Variants in PEAK1 observed in about 807,000 individuals in gnomAD.
The protein encoded by PEAK1 is inactive tyrosine-protein kinase PEAK1.
A neutral mutation model predicts 124.7 loss-of-function variants in PEAK1; 54 were observed. That is an observed-to-expected ratio of 0.43 (90% CI 0.35 to 0.54). The LOEUF is 0.54. Ranked by LOEUF, PEAK1 falls within the 20% of genes least tolerant of loss-of-function variation. The probability of loss-of-function intolerance (pLI) is 0.01; values close to 1 mark genes in which losing one functional copy is unlikely to be tolerated. For missense variants in PEAK1, 2,046 were observed against 2,134.5 expected (o/e 0.96, Z 0.82); for synonymous variants, 719 against 760.0 (o/e 0.95, Z 0.89).
chr15:77,137,110 G>T (rs1038819849), intron 8 of PEAK1, among the ~76,000 whole-genome samples: 5 of 152,252 alleles, frequency 3.3e-5, no homozygotes, highest in Admixed American at 1.3e-4. Flanking sequence ...CAGAGGTCAA[G>T]AACTGGGGTT....
intron 9 of PEAK1, among the ~76,000 whole-genome samples, chr15:77,123,852 G>T (rs2052138451): frequency 6.6e-6 from 1 of 152,170 alleles, no homozygotes; most frequent in Admixed American, 6.5e-5. Context: ...AGCCCACAGA[G>T]ACAGACAATG....
At chr15:77,412,536 G>C (rs1358470301) in intron 1 of PEAK1, among the ~76,000 whole-genome samples, 1 of 152,088 alleles carries the variant, frequency 6.6e-6, no homozygotes, top group Non-Finnish European at 1.5e-5. Context: ...TCCAGTTAGA[G>C]TCACAGACAA....
rs187566417 is a variant in PEAK1 at position 77,349,912 on chromosome 15, T to C, written c.-603+15251A>G. The C allele has an allele frequency of 5.1e-6, 5 of 984,652 alleles. No individual in the cohort carries two copies. In the Admixed American group the frequency reaches 2.5e-4, roughly 48 times the overall value. 61.0% of individuals were successfully genotyped at this position (984,652 alleles called of 1,614,324 possible). On this transcript the variant is annotated intron_variant, in intron 2 of 9. Coordinates refer to ENST00000682557, the MANE Select transcript of PEAK1 (RefSeq NM_001385026.1). Reference sequence around the variant, plus strand: ...AAAAAACAGACACATTTACAATACATGTTTCTGAGTGTCACGAAGAAAATA... The same window carrying C: ...AAAAAACAGACACATTTACAATACACGTTTCTGAGTGTCACGAAGAAAATA...
intron 2 of PEAK1, among the ~76,000 whole-genome samples, chr15:77,344,341 G>C (rs2066738110): frequency 6.6e-6 from 1 of 152,088 alleles, no homozygotes; most frequent in African/African-American, 2.4e-5. Context: ...TGATCCACCT[G>C]CCCTGGCCTC....
intron 2 of PEAK1, among the ~76,000 whole-genome samples, chr15:77,325,538 A>G (rs2065518265): frequency 6.6e-6 from 1 of 152,148 alleles, no homozygotes; most frequent in Non-Finnish European, 1.5e-5. Flanking sequence ...TAGAGAGGGT[A>G]AATTAGCAGT....
intron 2 of PEAK1, chr15:77,336,425 T>C: frequency 1.0e-6 from 1 of 985,404 alleles, no homozygotes; most frequent in Non-Finnish European, 1.2e-6. Context: ...AGTGAGGGGT[T>C]AATGGTAACC....
intron 2 of PEAK1, among the ~76,000 whole-genome samples, chr15:77,318,170 T>TACACAC (rs10635105): frequency 6.6e-6 from 1 of 151,002 alleles, no homozygotes; most frequent in Non-Finnish European, 1.5e-5. Context: ...CATGCATGCA[T>TACACAC]ACACACACAC....
At chr15:77,392,938 G>A (rs193273449) in intron 1 of PEAK1, among the ~76,000 whole-genome samples, 3 of 152,332 alleles carry the variant, frequency 2.0e-5, no homozygotes, top group Admixed American at 2.0e-4. Context: ...TGTGTGGCAT[G>A]GAGAGGGAAG....
chr15:77,304,613 A>C lies in PEAK1; in HGVS notation c.-602-18109T>G, dbSNP rs956892347. On this transcript the variant is annotated intron_variant, in intron 2 of 9. Transcript: ENST00000682557. ...CAGGTGCCCGCCACCACGTCCGGCCAATTTTTTTGTATTTTTAGTAGAGAT... is the reference window on the plus strand; with the variant it reads ...CAGGTGCCCGCCACCACGTCCGGCCCATTTTTTTGTATTTTTAGTAGAGAT... 3.3e-5 allele frequency among the ~76,000 whole-genome samples: 5 copies of C among 151,688 alleles called. No individual in the cohort carries two copies. In the South Asian group the frequency reaches 1.1e-3, roughly 32 times the overall value.
chr15:77,350,538 G>A (rs1019189623), intron 2 of PEAK1: 3 of 979,724 alleles, frequency 3.1e-6, no homozygotes, highest in Non-Finnish European at 3.6e-6. Context: ...TAATACAATT[G>A]TGAGTCTCCT....
chr15:77,105,298 G>C (rs2050736231), downstream of PEAK1: 2 of 152,844 alleles, frequency 1.3e-5, no homozygotes, highest in African/African-American at 4.8e-5. Context: ...GCTCCCAGAG[G>C]GCAAGGGAGC....
Position 77,179,463 on chromosome 15 carries a change from T to G in PEAK1, c.2464A>C (p.Thr822Pro), listed in dbSNP as rs78195483. 1.2e-6 allele frequency: 2 copies of G among 1,614,096 alleles called. No individual in the cohort carries two copies. The highest frequency in any genetic ancestry group is 3.3e-5 in the Admixed American group (2 of 59,984). ...TCAGCCTCACCACTAGGCTGAGATG[T>G]AAAGAGAGATTTGGGCCGGACTGGC... ...STPVRPKSLFTSQPSGEAEAP... is the reference protein window; with the variant it reads ...STPVRPKSLFPSQPSGEAEAP... Residue 822 changes from threonine (T) to proline (P), a missense_variant, in exon 7 of 10, where the codon ACA becomes CCA. Transcript: ENST00000682557.
intron 2 of PEAK1, chr15:77,352,726 T>C: frequency 1.0e-6 from 1 of 960,506 alleles, no homozygotes; most frequent in African/African-American, 1.8e-5. Context: ...TTTGAAATAA[T>C]TATTTAACAG....
At chr15:77,287,677 C>T (rs1236478500) in intron 2 of PEAK1, among the ~76,000 whole-genome samples, 2 of 152,094 alleles carry the variant, frequency 1.3e-5, no homozygotes, top group South Asian at 2.1e-4. Flanking sequence ...ACCCTGAATC[C>T]TAACCTTTCA....
At chr15:77,324,380 C>T (rs1308819755) in intron 2 of PEAK1, among the ~76,000 whole-genome samples, 1 of 152,080 alleles carries the variant, frequency 6.6e-6, no homozygotes, top group Non-Finnish European at 1.5e-5. Flanking sequence ...ACTCAGGAGG[C>T]TAAGGCACGA....
intron 6 of PEAK1, among the ~76,000 whole-genome samples, chr15:77,237,987 G>C (rs1259913509): frequency 1.3e-5 from 2 of 152,126 alleles, no homozygotes; most frequent in Non-Finnish European, 2.9e-5. Context: ...ATAAGTGAAT[G>C]CAACCATTCT....
chr15:77,391,016 C>T (rs949615127), intron 1 of PEAK1, among the ~76,000 whole-genome samples: 1 of 152,138 alleles, frequency 6.6e-6, no homozygotes, highest in Non-Finnish European at 1.5e-5. Context: ...CTGTCCCCAT[C>T]AGGATTTTAG....
chr15:77,292,993 A>G (rs1201932967), intron 2 of PEAK1, among the ~76,000 whole-genome samples: 1 of 152,102 alleles, frequency 6.6e-6, no homozygotes, highest in Non-Finnish European at 1.5e-5. Flanking sequence ...TAAGCTCATC[A>G]TATGCCCTTA....
At chr15:77,404,145 G>A in intron 1 of PEAK1, 17 of 985,110 alleles carry the variant, frequency 1.7e-5, no homozygotes, top group Non-Finnish European at 2.0e-5. Context: ...TGACATGAAG[G>A]TCCATAAATA....
Sources: allele counts gnomAD v4.1 joint callset (sites outside exome capture counted in the v4.1 genomes callset), GRCh38; gene constraint gnomAD v4.1.1; transcripts MANE v1.5; gene names NCBI Gene and HGNC (gene_info 2026-07-23, HGNC 2026-07-21).